Variants in ABCA1 observed in about 807,000 individuals in gnomAD.
The protein encoded by ABCA1 is phospholipid-transporting ATPase ABCA1.
ABCA1 carries 133 observed loss-of-function variants against 262.5 expected under a neutral mutation model. That is an observed-to-expected ratio of 0.51 (90% CI 0.44 to 0.59). ABCA1 has a LOEUF of 0.59. ABCA1 is among the 20% of genes least tolerant of loss of function. ABCA1 has a pLI of 0.00. For missense variants in ABCA1, 2,452 were observed against 2,777.5 expected, an observed-to-expected ratio of 0.88 and a Z score of 2.63; for synonymous variants, 1,022 against 1,043.5, an observed-to-expected ratio of 0.98 and a Z score of 0.40.
chr9:104,926,789 A>G (rs1418201101), intron 1 of ABCA1, among the ~76,000 whole-genome samples: 1 of 152,244 alleles, frequency 6.6e-6, no homozygotes, highest in East Asian at 1.9e-4. Context: ...ATCTGCGCCC[A>G]GGCAGAAGCT....
intron 5 of ABCA1, among the ~76,000 whole-genome samples, chr9:104,873,787 C>T (rs558778409): frequency 1.3e-4 from 20 of 152,140 alleles, no homozygotes; most frequent in Non-Finnish European, 2.2e-4. Flanking sequence ...TCCCCTTATT[C>T]GTCCATTAAT....
At chr9:104,897,222 C>G (rs1840300933) in intron 2 of ABCA1, among the ~76,000 whole-genome samples, 1 of 152,012 alleles carries the variant, frequency 6.6e-6, no homozygotes. Flanking sequence ...CAGAAAAATG[C>G]TAGAGAGGGG....
In ABCA1 at chr9:104,890,699, A is replaced by G. The variant is rs80197000; in HGVS notation, c.67-1504T>C. Among the ~76,000 whole-genome samples, 1,162 of 151,978 alleles carry G rather than the reference A, an allele frequency of 7.6e-3. 11 individuals are homozygous for G. Among genetic ancestry groups the G allele is most frequent in the African/African-American group, 0.026 (1,072 of 41,488 alleles). On this transcript the variant is annotated intron_variant, in intron 2 of 49. Coordinates refer to ENST00000374736, the MANE Select transcript of ABCA1 (RefSeq NM_005502.4). ...CTGGAACGTCAAACTCTTGGGTTCAAGTGATCCTCTCCCCTAGGGCTCCCA... is the reference window on the plus strand; with the variant it reads ...CTGGAACGTCAAACTCTTGGGTTCAGGTGATCCTCTCCCCTAGGGCTCCCA...
chr9:104,791,020 C>T lies in ABCA1; in HGVS notation c.5829G>A (p.Gly1943=). 3 of 1,613,100 alleles carry T rather than the reference C, an allele frequency of 1.9e-6. No homozygotes were observed. Among genetic ancestry groups the T allele is most frequent in the Non-Finnish European group, 2.5e-6 (3 of 1,179,218 alleles). ...TTCCAGCCCCATTAACTCCCAGGAG[C>T]CCAAAGCACTGAAAAGGAAAGATTA... The part of the protein sequence containing the change: ...CVGIPPGECF[G]LLGVNGAGKS... Residue 1943 remains glycine, a synonymous_variant, in exon 44 of 50, where the codon GGG becomes GGA. Coordinates refer to ENST00000374736, the MANE Select transcript of ABCA1 (RefSeq NM_005502.4).
At chr9:104,812,780 T>C in intron 27 of ABCA1, 58 bp from the exon 28 acceptor site, 3 of 1,607,836 alleles carry the variant, frequency 1.9e-6, no homozygotes, top group Non-Finnish European at 2.6e-6. Context: ...GGCATTGCCA[T>C]GCTCCTTCTT....
intron 30 of ABCA1, among the ~76,000 whole-genome samples, 197 bp from the exon 31 acceptor site, chr9:104,806,627 TTATG>T (rs1348936458): frequency 1.3e-5 from 2 of 152,230 alleles, no homozygotes; most frequent in Non-Finnish European, 2.9e-5. Flanking sequence ...TATATCATCA[TTATG>T]TATCATTTTA....
chr9:104,797,831 G>C (rs751537156), intron 37 of ABCA1, among the ~76,000 whole-genome samples: 25 of 152,138 alleles, frequency 1.6e-4, no homozygotes, highest in Middle Eastern at 3.2e-3. Context: ...AATTAGATTT[G>C]CTCTGTGTAG....
intron 32 of ABCA1, 25 bp from the exon 33 acceptor site, chr9:104,803,341 T>C: frequency 6.2e-7 from 1 of 1,613,396 alleles, no homozygotes; most frequent in East Asian, 2.2e-5. Flanking sequence ...AAACAAAAAA[T>C]CAGTTCAAAG....
chr9:104,871,065 G>A (rs1378850374), intron 5 of ABCA1, among the ~76,000 whole-genome samples: 1 of 152,226 alleles, frequency 6.6e-6, no homozygotes, highest in Admixed American at 6.5e-5. Flanking sequence ...CACAGGGGAT[G>A]CGATGGCTTG....
At chr9:104,926,028 A>AG (rs1004288003) in intron 1 of ABCA1, among the ~76,000 whole-genome samples, 10 of 150,686 alleles carry the variant, frequency 6.6e-5, no homozygotes, top group African/African-American at 9.8e-5. Flanking sequence ...AAAAAAAAAG[A>AG]AAAAAAAATC....
chr9:104,784,410 T>C lies in ABCA1; in HGVS notation c.6691A>G (p.Lys2231Glu). 3 of 1,614,096 alleles carry C rather than the reference T, an allele frequency of 1.9e-6. No homozygotes were observed. The highest frequency in any genetic ancestry group is 1.7e-6 in the Non-Finnish European group (2 of 1,179,982). The stretch of plus-strand genomic sequence containing the variant: ...TGGTTTTTGTGTAATGAGAGGTCTT[T>C]TAAGTGGTCATCATCACTTTGGTCC... ...AKDQSDDDHL[K>E]DLSLHKNQTV... Residue 2231 changes from lysine (K) to glutamate (E), a missense_variant, in exon 50 of 50, where the codon AAA becomes GAA. Coordinates refer to ENST00000374736, the MANE Select transcript of ABCA1 (RefSeq NM_005502.4).
chr9:104,912,589 C>T (rs1841565733), intron 1 of ABCA1, among the ~76,000 whole-genome samples: 1 of 152,100 alleles, frequency 6.6e-6, no homozygotes, highest in Admixed American at 6.5e-5. Context: ...TCCTGTACCC[C>T]AAGTCCTTGT....
intron 2 of ABCA1, among the ~76,000 whole-genome samples, chr9:104,896,887 T>A (rs1455565592): frequency 6.6e-6 from 1 of 151,592 alleles, no homozygotes; most frequent in East Asian, 1.9e-4. Context: ...AGTACCACCA[T>A]GCCTGACTAA....
chr9:104,786,248 A>AT, intron 48 of ABCA1, 50 bp downstream of exon 48: 5 of 1,420,946 alleles, frequency 3.5e-6, no homozygotes, highest in Non-Finnish European at 4.0e-6. Flanking sequence ...AAAAGAATAA[A>AT]TATCAAGCCT....
At position 104,910,358 on chromosome 9, in the gene ABCA1, C is replaced by T. The variant is rs978710310; in HGVS notation, c.-92-6587G>A. ...GCCTCCCCCAAAGCAAGTGACTTGC[C>T]TAGCATTAGAGCTGGTTTCTCAAGA... On this transcript the variant is annotated intron_variant, in intron 1 of 49. Transcript: ENST00000374736. Among the ~76,000 whole-genome samples, 3 of 152,216 alleles carry T rather than the reference C, an allele frequency of 2.0e-5. No homozygotes were observed. The East Asian group carries it at 5.8e-4, about 29-fold the overall frequency.
chr9:104,894,485 G>C (rs141361403), intron 2 of ABCA1, among the ~76,000 whole-genome samples: 1 of 152,274 alleles, frequency 6.6e-6, no homozygotes, highest in East Asian at 1.9e-4. Context: ...ATGTACCAGG[G>C]TTGTGAGTGC....
At chr9:104,845,401 C>T (rs1834774469) in intron 8 of ABCA1, 76 bp downstream of exon 8, 1 of 1,035,066 alleles carries the variant, frequency 9.7e-7, no homozygotes, top group Non-Finnish European at 1.5e-6. Flanking sequence ...TCAAAAGGAC[C>T]TCTTGCCAGA....
At chr9:104,787,820 C>T (rs1364261540) in intron 46 of ABCA1, 100 bp downstream of exon 46, 2 of 1,611,998 alleles carry the variant, frequency 1.2e-6, no homozygotes, top group East Asian at 2.2e-5. Context: ...TGGGGGAAGA[C>T]AAGCCAATCA....
At chr9:104,811,611 C>CATTT (rs1288973611) in intron 28 of ABCA1, among the ~76,000 whole-genome samples, 3 of 152,164 alleles carry the variant, frequency 2.0e-5, no homozygotes, top group Non-Finnish European at 4.4e-5. Flanking sequence ...AAACTCCTTC[C>CATTT]ATTTATTGCT....
Sources: allele counts gnomAD v4.1 joint callset (sites outside exome capture counted in the v4.1 genomes callset), GRCh38; gene constraint gnomAD v4.1.1; transcripts MANE v1.5; gene names NCBI Gene and HGNC (gene_info 2026-07-23, HGNC 2026-07-21).